The following CATSPERB variants were observed in gnomAD, a reference collection of about 807,000 sequenced individuals.
The protein encoded by CATSPERB is cation channel sperm-associated auxiliary subunit beta.
In CATSPERB, 93 loss-of-function variants were observed where a neutral mutation model predicts 128.3. That is an observed-to-expected ratio of 0.72 (90% CI 0.61 to 0.86). CATSPERB has a LOEUF of 0.86. Ranked by LOEUF, CATSPERB falls within the 40% of genes least tolerant of loss-of-function variation. The pLI is 0.00. For missense variants in CATSPERB, 1,153 were observed against 1,329.5 expected (o/e 0.87, Z 2.06); for synonymous variants, 381 against 448.8 (o/e 0.85, Z 1.91).
chr14:91,605,006 G>A (rs1893674849), intron 22 of CATSPERB: 1 of 1,160,750 alleles, frequency 8.6e-7, no homozygotes, highest in African/African-American at 1.5e-5. Flanking sequence ...AAACAGCTGT[G>A]TGGAAGAGAA....
intron 22 of CATSPERB, among the ~76,000 whole-genome samples, chr14:91,594,407 A>G (rs543138040): frequency 4.4e-4 from 67 of 152,164 alleles, no homozygotes; most frequent in African/African-American, 1.5e-3. Flanking sequence ...CAGCACACCA[A>G]CATGGCACAT....
At chr14:91,686,591 C>CCTCAT (rs369270878) in intron 10 of CATSPERB, among the ~76,000 whole-genome samples, 188 of 152,286 alleles carry the variant, frequency 1.2e-3, no homozygotes, top group African/African-American at 4.0e-3. Context: ...TTCCCCTCTC[C>CCTCAT]CTCATCACTA....
intron 1 of CATSPERB, among the ~76,000 whole-genome samples, chr14:91,731,520 A>G (rs1896210272): frequency 6.6e-6 from 1 of 152,298 alleles, no homozygotes; most frequent in African/African-American, 2.4e-5. Flanking sequence ...CAGGCACTTC[A>G]CAGTGTTGTT....
chr14:91,605,799 C>A (rs574278404), intron 22 of CATSPERB, among the ~76,000 whole-genome samples: 2 of 152,312 alleles, frequency 1.3e-5, no homozygotes, highest in African/African-American at 4.8e-5. Context: ...GACTCAGAAG[C>A]ATTTCCTCTG....
chr14:91,714,153 A>C (rs1895890302), intron 5 of CATSPERB, among the ~76,000 whole-genome samples: 1 of 152,100 alleles, frequency 6.6e-6, no homozygotes, highest in South Asian at 2.1e-4. Flanking sequence ...CTTCAACCTG[A>C]TGAAGGGCGC....
chr14:91,608,191 A>G (rs1160509149), intron 22 of CATSPERB, 103 bp downstream of exon 22: 4 of 693,348 alleles, frequency 5.8e-6, no homozygotes, highest in Non-Finnish European at 1.0e-5. Flanking sequence ...CGATAATAAC[A>G]GCTTCACCTT....
At chr14:91,620,613 T>C (rs1894025001) in intron 19 of CATSPERB, among the ~76,000 whole-genome samples, 2 of 152,190 alleles carry the variant, frequency 1.3e-5, no homozygotes, top group Admixed American at 6.5e-5. Flanking sequence ...ACTTTTGTAA[T>C]AAATAAATAG....
intron 6 of CATSPERB, among the ~76,000 whole-genome samples, chr14:91,705,087 C>T (rs562724276): frequency 6.6e-6 from 1 of 152,024 alleles, no homozygotes; most frequent in Middle Eastern, 3.4e-3. Context: ...CCCAATCCCA[C>T]TGAAATAGCA....
chr14:91,721,892 G>A (rs2139779414), intron 4 of CATSPERB, among the ~76,000 whole-genome samples: 1 of 151,624 alleles, frequency 6.6e-6, no homozygotes, highest in South Asian at 2.1e-4. Flanking sequence ...GCCTTGGTAA[G>A]GATGTGGAGA....
intron 22 of CATSPERB, among the ~76,000 whole-genome samples, chr14:91,602,173 G>A (rs1893617290): frequency 6.6e-6 from 1 of 152,080 alleles, no homozygotes; most frequent in South Asian, 2.1e-4. Flanking sequence ...GCTGTGAGCT[G>A]TGAAATTTAT....
chr14:91,604,200 T>C (rs564565204), intron 22 of CATSPERB, among the ~76,000 whole-genome samples: 15 of 152,104 alleles, frequency 9.9e-5, no homozygotes, highest in East Asian at 1.9e-4. Flanking sequence ...TCCAGGAAGA[T>C]CCAACAGGAA....
At chr14:91,708,851 T>C (rs1383178045) in intron 5 of CATSPERB, among the ~76,000 whole-genome samples, 2 of 152,252 alleles carry the variant, frequency 1.3e-5, no homozygotes, top group African/African-American at 4.8e-5. Context: ...AAACTATATG[T>C]TATTTATAAC....
intron 22 of CATSPERB, among the ~76,000 whole-genome samples, chr14:91,594,368 CCTAATG>C (rs1893466477): frequency 6.6e-6 from 1 of 151,868 alleles, no homozygotes; most frequent in Non-Finnish European, 1.5e-5. Flanking sequence ...AGGAGATATA[CCTAATG>C]CTAAATGACG....
At chr14:91,683,104 C>T (rs537610276) in intron 11 of CATSPERB, among the ~76,000 whole-genome samples, 35 of 152,348 alleles carry the variant, frequency 2.3e-4, no homozygotes, top group Non-Finnish European at 4.4e-4. Flanking sequence ...GTATTTTGCT[C>T]ATTGTCCTCT....
chr14:91,589,419 G>T, intron 24 of CATSPERB, 115 bp downstream of exon 24: 1 of 981,284 alleles, frequency 1.0e-6, no homozygotes, highest in Non-Finnish European at 1.5e-6. Context: ...AAATCCATTT[G>T]CAAGAACTCC....
chr14:91,599,044 T>A (rs1336570769), intron 22 of CATSPERB, among the ~76,000 whole-genome samples: 3 of 152,090 alleles, frequency 2.0e-5, no homozygotes, highest in Non-Finnish European at 4.4e-5. Flanking sequence ...ATTGTCTGTG[T>A]ATCAGACTGA....
chr14:91,719,534 C>T, intron 4 of CATSPERB, 56 bp from the exon 5 acceptor site: 1 of 1,274,836 alleles, frequency 7.8e-7, no homozygotes, highest in Non-Finnish European at 1.1e-6. Flanking sequence ...AACAACACAT[C>T]ACATTCTATG....
chr14:91,676,907 G>T (rs568786791), intron 11 of CATSPERB, among the ~76,000 whole-genome samples: 1 of 152,222 alleles, frequency 6.6e-6, no homozygotes, highest in Non-Finnish European at 1.5e-5. Context: ...AGAGACTTCA[G>T]AAATAACACC....
chr14:91,712,849 C>T (rs758392530), intron 5 of CATSPERB, among the ~76,000 whole-genome samples: 1 of 152,150 alleles, frequency 6.6e-6, no homozygotes, highest in Non-Finnish European at 1.5e-5. Context: ...ACCCAACATG[C>T]ACATCTTTGG....
Sources: gnomAD v4.1 joint callset for allele counts (sites outside exome capture counted in the v4.1 genomes callset) on GRCh38, gnomAD v4.1.1 for gene constraint, MANE v1.5 for transcripts, NCBI Gene and HGNC (gene_info 2026-07-23, HGNC 2026-07-21) for gene names.